Variants in SREBF1 observed in about 807,000 individuals in gnomAD.
SREBF1 encodes sterol regulatory element-binding protein 1.
Under a neutral mutation model 100.1 loss-of-function variants are expected in SREBF1, and 45 were observed. That is an observed-to-expected ratio of 0.45 (90% CI 0.35 to 0.58). The LOEUF (loss-of-function observed/expected upper bound fraction) is 0.58. SREBF1 is among the 20% of genes least tolerant of loss of function. The pLI is 0.00. For missense variants in SREBF1, 1,324 were observed against 1,539.4 expected, an observed-to-expected ratio of 0.86 and a Z score of 2.34; for synonymous variants, 657 against 681.8, an observed-to-expected ratio of 0.96 and a Z score of 0.57.
chr17:17,836,781 G>T lies in SREBF1; in HGVS notation c.37C>A (p.Gln13Lys). 6.4e-7 allele frequency: 1 copy of T among 1,563,216 alleles called. No individual in the cohort carries two copies. Among genetic ancestry groups the T allele is most frequent in the South Asian group, 1.2e-5 (1 of 86,154 alleles). The change falls in exon 1 of 19, where the codon CAG (glutamine) becomes AAG (lysine). Residue 13 changes from glutamine (Q) to lysine (K), a missense_variant. Physicochemically the swap from Gln to Lys is moderately conservative, Grantham distance 53 (BLOSUM62 1). Coordinates refer to ENST00000261646, the MANE Select transcript of SREBF1 (RefSeq NM_004176.5). ...AGATCGCACGGCTCGCCCAGCGCCT[G>T]CTCCAAAGCCGCCTCGCTGAAGGGT... is the stretch of plus-strand genomic sequence containing the variant. ...EPPFSEAALE[Q>K]ALGEPCDLDA...
intron 1 of SREBF1, among the ~76,000 whole-genome samples, chr17:17,835,195 G>A (rs943151797): frequency 1.9e-4 from 29 of 152,292 alleles, no homozygotes; most frequent in Non-Finnish European, 3.7e-4. Flanking sequence ...TCCTGGCTTG[G>A]TCACGTTGCC....
chr17:17,823,589 C>G (rs1323941753), intron 1 of SREBF1: 2 of 1,612,800 alleles, frequency 1.2e-6, no homozygotes, highest in Non-Finnish European at 8.5e-7. Context: ...GGCCCTACCC[C>G]TCCCCGCGCC....
intron 1 of SREBF1, among the ~76,000 whole-genome samples, chr17:17,821,152 TACACACAC>T (rs60948138): frequency 2.0e-5 from 3 of 149,382 alleles, no homozygotes; most frequent in Non-Finnish European, 4.5e-5. Context: ...TCCACACACA[TACACACAC>T]ACACACACAC....
At position 17,818,300 on chromosome 17, in the gene SREBF1, C is replaced by T; in HGVS notation, c.1143G>A (p.Lys381=). Residue 381 remains lysine (K), a synonymous_variant, in exon 6 of 19, where the codon AAG becomes AAA. Transcript: ENST00000261646. ...RFLQHSNQKL[K]QENLSLRTAV... is the part of the protein sequence containing the mutation. Reference sequence around the variant, plus strand: ...CAGTGCGCAGACTTAGGTTCTCCTGCTTGAGTTTCTGGTTGCTGTGTTGCA... The same window carrying T: ...CAGTGCGCAGACTTAGGTTCTCCTGTTTGAGTTTCTGGTTGCTGTGTTGCA... 1 of 1,613,970 alleles carries T rather than the reference C, an allele frequency of 6.2e-7. No homozygotes were observed. The highest frequency in any genetic ancestry group is 1.1e-5 in the South Asian group (1 of 91,076).
rs762615275 is a variant in SREBF1, at chr17:17,818,552, C to A, written c.1069-178G>T. 5 of 638,892 alleles carry A rather than the reference C, an allele frequency of 7.8e-6. No individual in the cohort carries two copies. In the South Asian group the frequency reaches 8.6e-5, roughly 11 times the overall value. The allele number at this position is 638,892 out of a possible 1,614,324, so 39.6% of individuals were successfully genotyped here. ...CGCCTAGTAGCACCCACCTCCCAGG[C>A]CGGGCATAGGGTTAGAATGTAAGAT... is the stretch of plus-strand genomic sequence containing the variant. On this transcript the variant is annotated intron_variant, in intron 5 of 18. Coordinates refer to ENST00000261646, the MANE Select transcript of SREBF1 (RefSeq NM_004176.5).
chr17:17,820,615 C>G, intron 1 of SREBF1, 94 bp from the exon 2 acceptor site: 1 of 1,358,684 alleles, frequency 7.4e-7, no homozygotes, highest in Non-Finnish European at 1.0e-6. Flanking sequence ...TTTGCACAAC[C>G]CTTGTTGGCA....
rs1229866050 is a variant in SREBF1 at position 17,817,258 on chromosome 17, C to A, written c.1604G>T (p.Arg535Ile). The A allele has an allele frequency of 6.2e-7, 1 of 1,608,484 alleles. No homozygotes were observed. Among genetic ancestry groups the A allele is most frequent in the Non-Finnish European group, 8.5e-7 (1 of 1,178,014 alleles). ...PGRNVLGTES[R>I]DGPGWAQWLL... is the part of the protein sequence containing the mutation. ...ATGCCCAGGCTGGCCGGTCCCACCT[C>A]TGCTCTCGGTGCCCAGCACGTTGCG... is the stretch of plus-strand genomic sequence containing the variant. The change falls in exon 8 of 19, where the codon AGA becomes ATA. Residue 535 changes from arginine (R) to isoleucine (I), a missense_variant and splice_region_variant. Transcript: ENST00000261646. The surrounding 1 kb of genome is among the most constrained non-coding windows in gnomAD (Gnocchi z 6.6).
chr17:17,830,759 A>G (rs2143132777), intron 1 of SREBF1, among the ~76,000 whole-genome samples: 1 of 152,346 alleles, frequency 6.6e-6, no homozygotes, highest in African/African-American at 2.4e-5. Context: ...GCCAGTCTCA[A>G]TGGCTCCCTG....
chr17:17,814,006 A>T (rs937170508), intron 16 of SREBF1: 13 of 655,896 alleles, frequency 2.0e-5, no homozygotes, highest in Non-Finnish European at 3.4e-5. Context: ...CTCCAAAGGG[A>T]TCCTACCACA....
At chr17:17,818,437 T>C in intron 5 of SREBF1, 63 bp from the exon 6 acceptor site, 1 of 1,252,132 alleles carries the variant, frequency 8.0e-7, no homozygotes, top group East Asian at 2.3e-5. Flanking sequence ...GTTGTGGGGT[T>C]GGAGAGCCCT....
rs1450487459 is a variant in SREBF1, at chr17:17,824,980, C to T, written c.92-4459G>A. On this transcript the variant is annotated intron_variant, in intron 1 of 18. Coordinates refer to ENST00000261646, the MANE Select transcript of SREBF1 (RefSeq NM_004176.5). This position sits in a 1 kb window ranked among gnomAD's most constrained non-coding sequence, Gnocchi z 4.2. ...CCTCAGCCCGCGGGTGTTCCCTCAC[C>T]CCCAAAACAAAACACAGCATTGCTC... Among the ~76,000 whole-genome samples, 1 of 152,192 alleles carries T rather than the reference C, an allele frequency of 6.6e-6. No homozygotes were observed. Among genetic ancestry groups the T allele is most frequent in the East Asian group, 1.9e-4 (1 of 5,204 alleles).
At chr17:17,836,087 G>A (rs1479685757) in intron 1 of SREBF1, among the ~76,000 whole-genome samples, 2 of 152,226 alleles carry the variant, frequency 1.3e-5, no homozygotes, top group Non-Finnish European at 2.9e-5. Context: ...TACCCGTTTG[G>A]TTTCCCGGGA....
At chr17:17,829,205 A>AAAAAAAAAAAAAAAAAAT (rs1210718799) in intron 1 of SREBF1, among the ~76,000 whole-genome samples, 5 of 65,872 alleles carry the variant, frequency 7.6e-5, no homozygotes, top group African/African-American at 3.5e-4. Flanking sequence ...AAAAAAAAAA[A>AAAAAAAAAAAAAAAAAAT]ATATATATAT....
intron 1 of SREBF1, among the ~76,000 whole-genome samples, chr17:17,826,544 T>A (rs1014905100): frequency 3.3e-5 from 5 of 152,136 alleles, no homozygotes; most frequent in Admixed American, 6.5e-5. Context: ...AGAGGAGGCA[T>A]AGACTCTGGG....
rs187408367 is a variant in SREBF1 at position 17,835,546 on chromosome 17, G to A, written c.91+1181C>T. On this transcript the variant is annotated intron_variant, in intron 1 of 18. Transcript: ENST00000261646. The stretch of plus-strand genomic sequence containing the variant: ...ACCCCAGGGTGGCCACGGGTTCCAT[G>A]GACATGTCCATTCAGGCTGTGAGTC... Among the ~76,000 whole-genome samples, 562 of 152,328 alleles carry A rather than the reference G, an allele frequency of 3.7e-3. 3 individuals carry two copies. The highest frequency in any genetic ancestry group is 6.5e-3 in the Non-Finnish European group (440 of 68,018).
chr17:17,829,207 T>A (rs71372210), intron 1 of SREBF1, among the ~76,000 whole-genome samples: 829 of 48,698 alleles, frequency 0.017, 47 homozygotes, highest in African/African-American at 0.089. Flanking sequence ...AAAAAAAAAA[T>A]ATATATATAT....
chr17:17,814,164 C>A, intron 16 of SREBF1, 81 bp downstream of exon 16: 1 of 1,467,492 alleles, frequency 6.8e-7, no homozygotes, highest in East Asian at 2.4e-5. Flanking sequence ...TCTTCTGCAG[C>A]CCCTGGGGGC....
In SREBF1 at chr17:17,816,359, C is replaced by T. The variant is rs1016697916; in HGVS notation, c.2062G>A (p.Gly688Arg). ...QLHTMGKHTG[G>R]HLTATNLALS... The stretch of plus-strand genomic sequence containing the variant: ...GCCAGGTTGGTGGCAGTGAGGTGCC[C>T]GCCTGTGTGCTTCCCTGGAAGGCAA... Residue 688 changes from glycine (G) to arginine (R), a missense_variant, in exon 11 of 19, where the codon GGG becomes AGG. Transcript: ENST00000261646. 14 of 1,585,220 alleles carry T rather than the reference C, an allele frequency of 8.8e-6. No homozygotes were observed. The highest frequency in any genetic ancestry group is 1.3e-5 in the African/African-American group (1 of 74,196).
In SREBF1 at chr17:17,819,173, A is replaced by C; in HGVS notation, c.908T>G (p.Leu303Arg). The C allele has an allele frequency of 6.2e-7, 1 of 1,614,154 alleles. No individual in the cohort carries two copies. The highest frequency in any genetic ancestry group is 8.5e-7 in the Non-Finnish European group (1 of 1,180,048). ...GCCAGCTGCGAGCCGGTTGATAGGC[A>C]GCTTCTCCGCATCTACGACCAGTGG... ...TVPLVVDAEK[L>R]PINRLAAGSK... is the part of the protein sequence containing the mutation. The change falls in exon 5 of 19, where the codon CTG becomes CGG. Residue 303 changes from leucine to arginine, a missense_variant. Coordinates refer to ENST00000261646, the MANE Select transcript of SREBF1 (RefSeq NM_004176.5).
Sources: allele counts gnomAD v4.1 joint callset (sites outside exome capture counted in the v4.1 genomes callset), GRCh38; gene constraint gnomAD v4.1.1; non-coding constraint Gnocchi (gnomAD v3.1); transcripts MANE v1.5; gene names NCBI Gene and HGNC (gene_info 2026-07-23, HGNC 2026-07-21).